The following SOAT2 variants were observed in gnomAD, a reference collection of about 807,000 sequenced individuals.
SOAT2 encodes the protein ACAT-2.
In SOAT2, 87 loss-of-function variants were observed where a neutral mutation model predicts 76.0. The ratio of observed to expected loss-of-function variants is 1.14; its 90% CI spans 0.96 to 1.37. The LOEUF is 1.37. SOAT2 is among the 40% of genes most tolerant of loss of function. SOAT2 has a pLI of 0.00. For synonymous variants in SOAT2, 285 were observed against 275.4 expected (o/e 1.03, Z -0.34); for missense variants, 686 against 682.1 (o/e 1.01, Z -0.06).
chr12:53,111,352 C>CT (rs536289457), intron 5 of SOAT2, among the ~76,000 whole-genome samples: 271 of 152,296 alleles, frequency 1.8e-3, no homozygotes, highest in African/African-American at 6.3e-3. Flanking sequence ...CATGATCTGC[C>CT]TGCCTCGGCC....
chr12:53,104,726 C>T (rs558945327), intron 2 of SOAT2, among the ~76,000 whole-genome samples: 58 of 152,250 alleles, frequency 3.8e-4, no homozygotes, highest in Non-Finnish European at 5.3e-4. Context: ...GAGTGACAAT[C>T]GGAGGTGACC....
rs771160659 is a variant in SOAT2 at position 53,123,186 on chromosome 12, G to A, written c.1342G>A (p.Val448Ile). Residue 448 changes from valine (V) to isoleucine (I), a missense_variant, in exon 13 of 15, where the codon GTC (valine) becomes ATC (isoleucine). By Grantham distance (29) the Val-to-Ile change is conservative. Transcript: ENST00000301466. ...FCFVLGFFYP[V>I]MLILFLVIGG... ...CTTCGTCCTGGGGTTCTTCTATCCC[G>A]TCATGCTGATACTCTTCCTTGTCAT... The A allele has an allele frequency of 2.6e-5, 42 of 1,613,896 alleles. No homozygotes were observed. Among genetic ancestry groups the A allele is most frequent in the Middle Eastern group, 1.6e-4 (1 of 6,084 alleles).
intron 5 of SOAT2, among the ~76,000 whole-genome samples, chr12:53,108,722 C>A (rs992836277): frequency 6.6e-6 from 1 of 152,218 alleles, no homozygotes; most frequent in Non-Finnish European, 1.5e-5. Flanking sequence ...TCTTCAAGAG[C>A]CCTAAATGTT....
rs943943841 is a variant in SOAT2 at position 53,123,663 on chromosome 12, G to A, written c.1373-65G>A. On this transcript the variant is annotated intron_variant, in intron 13 of 14. Coordinates refer to ENST00000301466, the MANE Select transcript of SOAT2 (RefSeq NM_003578.4). ...CCATCTCTTCCCAATACCCTGGAAT[G>A]GGAGGGAAGCCAGGGAGACAAGGCA... 1.8e-5 allele frequency: 29 copies of A among 1,584,668 alleles called. 1 individual carries two copies. In the Admixed American group the frequency reaches 3.2e-4, roughly 17 times the overall value.
rs1282968264 is a variant in SOAT2 at position 53,115,499 on chromosome 12, C to T, written c.553C>T (p.Leu185=). 6.2e-7 allele frequency: 1 copy of T among 1,609,826 alleles called. No individual in the cohort carries two copies. The highest frequency in any genetic ancestry group is 1.1e-5 in the South Asian group (1 of 91,002). The change falls in exon 6 of 15, where the codon CTA becomes TTA. Residue 185 remains leucine, a synonymous_variant. Coordinates refer to ENST00000301466, the MANE Select transcript of SOAT2 (RefSeq NM_003578.4). ...CACCCTGTTGGCGCCGTACCAGGCC[C>T]TACGGCTGTGGGCCAGGGGCACCTG... The part of the protein sequence containing the change: ...LSTLLAPYQA[L]RLWARGTWTQ...
intron 2 of SOAT2, among the ~76,000 whole-genome samples, chr12:53,104,435 AT>A (rs1480398951): frequency 6.7e-6 from 1 of 149,142 alleles, no homozygotes; most frequent in African/African-American, 2.5e-5. Flanking sequence ...GGTGTGGCTA[AT>A]TTTTTTTTTA....
intron 13 of SOAT2, 36 bp from the exon 14 acceptor site, chr12:53,123,692 C>T: frequency 6.2e-7 from 1 of 1,613,270 alleles, no homozygotes; most frequent in Non-Finnish European, 8.5e-7. Context: ...CAAGGCACTC[C>T]TGGAGCTGGA....
intron 5 of SOAT2, among the ~76,000 whole-genome samples, chr12:53,108,576 T>C (rs1937969720): frequency 6.6e-6 from 1 of 152,172 alleles, no homozygotes; most frequent in Non-Finnish European, 1.5e-5. Flanking sequence ...AAAAGAAAAG[T>C]TTCCTTGACT....
At chr12:53,113,192 C>T (rs1592277020) in intron 5 of SOAT2, among the ~76,000 whole-genome samples, 4 of 152,198 alleles carry the variant, frequency 2.6e-5, no homozygotes, top group Admixed American at 2.0e-4. Flanking sequence ...AGACTCAAAA[C>T]CAACTCAAAA....
rs2121308016 is a variant in SOAT2, at chr12:53,122,961, G to A, written c.1237-120G>A. 3.5e-6 allele frequency: 4 copies of A among 1,154,860 alleles called. No individual in the cohort carries two copies. The South Asian group carries it at 6.9e-5, about 20-fold the overall frequency. The allele number at this position is 1,154,860 out of a possible 1,614,324, so 71.5% of individuals were successfully genotyped here. On this transcript the variant is annotated intron_variant, in intron 12 of 14. Coordinates refer to ENST00000301466, the MANE Select transcript of SOAT2 (RefSeq NM_003578.4). ...GACGGGGCGGCTGGCCGGGCGGGGG[G>A]CTGACCCCCCCACCTCCCTGCCGGA...
At chr12:53,116,059 C>G (rs781571024) in intron 6 of SOAT2, 38 bp from the exon 7 acceptor site, 1 of 1,584,850 alleles carries the variant, frequency 6.3e-7, no homozygotes, top group Non-Finnish European at 8.7e-7. Flanking sequence ...TGCTTAAAGC[C>G]ACACAGCAAC....
intron 3 of SOAT2, 68 bp from the exon 4 acceptor site, chr12:53,105,493 A>T: frequency 6.8e-7 from 1 of 1,472,530 alleles, no homozygotes; most frequent in Non-Finnish European, 9.4e-7. Context: ...CCAAGTATTG[A>T]CCTTCTGCAT....
At chr12:53,122,123 G>GCTC (rs1938199017) in intron 12 of SOAT2, among the ~76,000 whole-genome samples, 1 of 150,432 alleles carries the variant, frequency 6.6e-6, no homozygotes, top group African/African-American at 2.4e-5. Context: ...TCTTAAATAA[G>GCTC]ATTGATGTCA....
chr12:53,123,116 G>A lies in SOAT2; in HGVS notation c.1272G>A (p.Leu424=), dbSNP rs952524562. Residue 424 remains leucine, a synonymous_variant, in exon 13 of 15, where the codon CTG becomes CTA. Transcript: ENST00000301466. The part of the protein sequence containing the change: ...LGARARGVAM[L]GVFLVSAVAH... ...CCCGGGCCCGAGGGGTAGCCATGCT[G>A]GGTGTGTTCCTGGTCTCCGCAGTGG... 9.3e-6 allele frequency: 15 copies of A among 1,613,774 alleles called. No homozygotes were observed. The highest frequency in any genetic ancestry group is 1.7e-5 in the Admixed American group (1 of 59,970).
In SOAT2 at chr12:53,124,276, A is replaced by T. The variant is rs1592281309; in HGVS notation, c.*153A>T. Reference sequence around the variant, plus strand: ...CACCAAGGAATGTGCAAGGACTGAGATCTGCAGACTTGTGGGTAACTGATC... The same window carrying T: ...CACCAAGGAATGTGCAAGGACTGAGTTCTGCAGACTTGTGGGTAACTGATC... On this transcript the variant is annotated 3_prime_UTR_variant, in exon 15 of 15. Transcript: ENST00000301466. 3 of 717,686 alleles carry T rather than the reference A, an allele frequency of 4.2e-6. No homozygotes were observed. In the South Asian group the frequency reaches 4.9e-5, roughly 12 times the overall value. The allele number at this position is 717,686 out of a possible 1,614,324, so 44.5% of individuals were successfully genotyped here.
chr12:53,123,470 A>T (rs1938226176), intron 13 of SOAT2, among the ~76,000 whole-genome samples: 1 of 152,168 alleles, frequency 6.6e-6, no homozygotes, highest in Admixed American at 6.5e-5. Context: ...TAGATCACTC[A>T]TGGAGGAAGA....
intron 7 of SOAT2, 23 bp downstream of exon 7, chr12:53,116,189 T>C (rs1938105685): frequency 1.9e-6 from 3 of 1,604,294 alleles, no homozygotes; most frequent in Non-Finnish European, 2.6e-6. Context: ...TCTTGCCCGG[T>C]TGTGAACTCA....
intron 13 of SOAT2, 111 bp downstream of exon 13, chr12:53,123,327 A>G (rs2121309237): frequency 2.2e-6 from 3 of 1,356,538 alleles, no homozygotes; most frequent in Non-Finnish European, 3.1e-6. Context: ...GCCTGGAGGC[A>G]AGGCTGCTGA....
At position 53,122,511 on chromosome 12, in the gene SOAT2, A is replaced by G. The variant is rs566662115; in HGVS notation, c.1237-570A>G. Among the ~76,000 whole-genome samples, 13 of 150,670 alleles carry G rather than the reference A, an allele frequency of 8.6e-5. No homozygotes were observed. In the East Asian group the frequency reaches 9.7e-4, roughly 11 times the overall value. ...GCAGTGTTTGTGTCCCTGGGTACTT[A>G]AGATTAGGGAGTGGTGATGACTCTT... On this transcript the variant is annotated intron_variant, in intron 12 of 14. Coordinates refer to ENST00000301466, the MANE Select transcript of SOAT2 (RefSeq NM_003578.4).
Sources: allele counts gnomAD v4.1 joint callset (sites outside exome capture counted in the v4.1 genomes callset), GRCh38; gene constraint gnomAD v4.1.1; transcripts MANE v1.5; gene names NCBI Gene and HGNC (gene_info 2026-07-23, HGNC 2026-07-21).